Variants in FHIT observed in about 807,000 individuals in gnomAD.
The protein encoded by FHIT is bis(5'-adenosyl)-triphosphatase.
FHIT carries 19 observed loss-of-function variants against 17.9 expected under a neutral mutation model. That is an observed-to-expected ratio of 1.06 (90% CI 0.74 to 1.56). The LOEUF is 1.56. Ranked by LOEUF, FHIT falls within the 40% of genes most tolerant of loss-of-function variation. The pLI is 0.00. For synonymous variants in FHIT, 81 were observed against 69.7 expected (o/e 1.16, Z -0.81); for missense variants, 248 against 189.2 (o/e 1.31, Z -1.82).
chr3:60,560,379 G>T (rs2036894082), intron 4 of FHIT, among the ~76,000 whole-genome samples: 2 of 151,988 alleles, frequency 1.3e-5, no homozygotes, highest in Non-Finnish European at 2.9e-5. Context: ...GTCAGAGATT[G>T]GGATTGCCTA....
intron 5 of FHIT, among the ~76,000 whole-genome samples, chr3:60,334,329 C>T (rs1382866813): frequency 1.3e-5 from 2 of 152,086 alleles, no homozygotes; most frequent in Non-Finnish European, 1.5e-5. Flanking sequence ...TACTTATACT[C>T]AAGGAAATGA....
At chr3:60,753,824 G>A (rs1474111366) in intron 4 of FHIT, among the ~76,000 whole-genome samples, 3 of 152,030 alleles carry the variant, frequency 2.0e-5, no homozygotes, top group South Asian at 2.1e-4. Flanking sequence ...TTGTTAAGAC[G>A]ATTTTCTATC....
At chr3:60,411,519 C>A (rs1050116590) in intron 5 of FHIT, among the ~76,000 whole-genome samples, 2 of 152,110 alleles carry the variant, frequency 1.3e-5, no homozygotes, top group African/African-American at 4.8e-5. Flanking sequence ...CAGCTAATTA[C>A]TATGTATATT....
chr3:59,945,233 G>C (rs1706741233), intron 7 of FHIT, among the ~76,000 whole-genome samples: 1 of 152,096 alleles, frequency 6.6e-6, no homozygotes, highest in East Asian at 1.9e-4. Flanking sequence ...GTATGAGATG[G>C]TATCTTATTG....
intron 4 of FHIT, among the ~76,000 whole-genome samples, chr3:60,803,207 G>GA (rs1664960634): frequency 6.6e-6 from 1 of 152,138 alleles, no homozygotes; most frequent in Non-Finnish European, 1.5e-5. Flanking sequence ...TTGTTAATGG[G>GA]AAAAAGCACC....
In FHIT at chr3:60,558,851, G is replaced by A. The variant is rs576128136; in HGVS notation, c.-17-21872C>T. ...AAACCTATTGCTCATTTCACTTTTCGGCTTTAGACTAATGACCCAGGGAAA... is the reference window on the plus strand; with the variant it reads ...AAACCTATTGCTCATTTCACTTTTCAGCTTTAGACTAATGACCCAGGGAAA... On this transcript the variant is annotated intron_variant, in intron 4 of 9. Transcript: ENST00000492590. Among the ~76,000 whole-genome samples the A allele has an allele frequency of 1.9e-3, 288 of 152,178 alleles. 3 individuals carry two copies. The highest frequency in any genetic ancestry group is 0.017 in the Middle Eastern group (5 of 294).
chr3:60,932,742 T>C (rs1553772130), intron 3 of FHIT, among the ~76,000 whole-genome samples: 1 of 152,174 alleles, frequency 6.6e-6, no homozygotes, highest in East Asian at 1.9e-4. Flanking sequence ...CCTCTGTCAA[T>C]CTTCTGTTCA....
At chr3:60,019,148 T>C (rs1274102488) in intron 5 of FHIT, among the ~76,000 whole-genome samples, 1 of 152,206 alleles carries the variant, frequency 6.6e-6, no homozygotes, top group Non-Finnish European at 1.5e-5. Flanking sequence ...TCACTCTACA[T>C]GCTCTTCCAT....
intron 4 of FHIT, among the ~76,000 whole-genome samples, chr3:60,739,919 A>G (rs2108006811): frequency 6.6e-6 from 1 of 152,342 alleles, no homozygotes; most frequent in South Asian, 2.1e-4. Flanking sequence ...CCTGCTCCTG[A>G]GAAGCTCACA....
chr3:59,771,507 A>C lies in FHIT; in HGVS notation c.349-19186T>G, dbSNP rs556978901. ...ACATTTGGGGTATGTTTGAGGGTGA[A>C]ACCCCCCATAGAGTGTTGTGAAGTA... On this transcript the variant is annotated intron_variant, in intron 8 of 9. Transcript: ENST00000492590. Among the ~76,000 whole-genome samples the C allele has an allele frequency of 2.0e-5, 3 of 152,288 alleles. No individual in the cohort carries two copies. In the East Asian group the frequency reaches 5.8e-4, roughly 29 times the overall value.
chr3:61,049,534 T>C (rs1216503230), intron 2 of FHIT, among the ~76,000 whole-genome samples: 1 of 152,060 alleles, frequency 6.6e-6, no homozygotes, highest in Non-Finnish European at 1.5e-5. Flanking sequence ...AGTCTGACAA[T>C]ACCTGAATGA....
intron 4 of FHIT, among the ~76,000 whole-genome samples, chr3:60,746,761 G>T (rs888375353): frequency 6.6e-6 from 1 of 152,134 alleles, no homozygotes; most frequent in African/African-American, 2.4e-5. Context: ...ACTGGGTAGG[G>T]GCTGAGGGTT....
chr3:61,168,646 C>G (rs962833085), intron 2 of FHIT, among the ~76,000 whole-genome samples: 1 of 152,214 alleles, frequency 6.6e-6, no homozygotes, highest in African/African-American at 2.4e-5. Flanking sequence ...ACTGGCTCAA[C>G]TTGGTTTCTG....
chr3:60,161,949 G>A (rs754550598), intron 5 of FHIT, among the ~76,000 whole-genome samples: 1 of 152,144 alleles, frequency 6.6e-6, no homozygotes, highest in Non-Finnish European at 1.5e-5. Flanking sequence ...TTGGATTAAA[G>A]GCGACACTGA....
intron 8 of FHIT, among the ~76,000 whole-genome samples, chr3:59,765,369 C>G (rs1196779909): frequency 6.6e-6 from 1 of 152,210 alleles, no homozygotes; most frequent in Non-Finnish European, 1.5e-5. Context: ...AACTTTCTAG[C>G]CCAAACATCC....
At chr3:60,071,456 C>A (rs114929129) in intron 5 of FHIT, among the ~76,000 whole-genome samples, 1,913 of 152,264 alleles carry the variant, frequency 0.013, 27 homozygotes, top group Non-Finnish European at 0.019. Flanking sequence ...CTCTTGATTT[C>A]TGTACTATAA....
intron 7 of FHIT, among the ~76,000 whole-genome samples, chr3:59,963,477 A>AG (rs769094781): frequency 3.3e-5 from 5 of 150,864 alleles, no homozygotes; most frequent in Non-Finnish European, 5.9e-5. Context: ...AAGGAGGAGG[A>AG]GAGAGAGAGA....
At chr3:61,130,371 C>T (rs1180286797) in intron 2 of FHIT, among the ~76,000 whole-genome samples, 2 of 152,196 alleles carry the variant, frequency 1.3e-5, no homozygotes, top group Non-Finnish European at 2.9e-5. Flanking sequence ...CTCAGTGCTT[C>T]GTTTAACTTG....
chr3:60,206,132 CAAAAAA>C (rs367903030), intron 5 of FHIT, among the ~76,000 whole-genome samples: 3 of 75,566 alleles, frequency 4.0e-5, no homozygotes, highest in Non-Finnish European at 5.4e-5. Context: ...GACTCCGTCT[CAAAAAA>C]AAAAAAAAAT....
Sources: allele counts gnomAD v4.1 joint callset (sites outside exome capture counted in the v4.1 genomes callset), GRCh38; gene constraint gnomAD v4.1.1; transcripts MANE v1.5; gene names NCBI Gene and HGNC (gene_info 2026-07-23, HGNC 2026-07-21).